Variants in DST observed in about 807,000 individuals in gnomAD.
DST encodes the protein dystonin.
In DST, 253 loss-of-function variants were observed where a neutral mutation model predicts 875.2. The ratio of observed to expected loss-of-function variants is 0.29; its 90% confidence interval spans 0.26 to 0.32. The LOEUF (loss-of-function observed/expected upper bound fraction) is 0.32, where lower values mean the gene tolerates loss of function less well. DST is among the 10% of genes least tolerant of loss of function. The probability of loss-of-function intolerance (pLI) is 1.00; values close to 1 mark genes in which losing one functional copy is unlikely to be tolerated. For missense variants in DST, 8,287 were observed against 9,111.6 expected (o/e 0.91, Z 3.68); for synonymous variants, 3,124 against 3,197.1 (o/e 0.98, Z 0.77).
rs766156013 is a variant in DST at position 56,954,608 on chromosome 6, G to C, written c.-21C>G. ...ATCATGGTGCGGGCGAGGCGAGGGC[G>C]ACTCGACGGCGGGGCTGGAGGGCGG... is the stretch of plus-strand genomic sequence containing the variant. On this transcript the variant is annotated 5_prime_UTR_variant, in exon 1 of 104. Transcript: ENST00000680361. 1 of 1,323,846 alleles carries C rather than the reference G, an allele frequency of 7.6e-7. No individual in the cohort carries two copies. Among genetic ancestry groups the C allele is most frequent in the East Asian group, 5.4e-5 (1 of 18,638 alleles). 82.0% of individuals were successfully genotyped at this position (1,323,846 alleles called of 1,614,324 possible). A position where few individuals can be genotyped will look rare whatever the true frequency, so the allele number is the denominator to read the frequency against.
At chr6:56,821,977 G>GAGA (rs68030929) in intron 4 of DST, among the ~76,000 whole-genome samples, 1 of 109,392 alleles carries the variant, frequency 9.1e-6, no homozygotes, top group Admixed American at 8.2e-5. Flanking sequence ...CTTTATCCAC[G>GAGA]TTTATTAAGA....
chr6:56,492,885 AAG>A, intron 84 of DST, 47 bp downstream of exon 84: 1 of 1,409,370 alleles, frequency 7.1e-7, no homozygotes, highest in Non-Finnish European at 9.3e-7. Flanking sequence ...AAAAAAAAAA[AAG>A]CCTGGTGTCT....
chr6:56,823,173 A>G (rs1355403606), intron 4 of DST, among the ~76,000 whole-genome samples: 1 of 152,112 alleles, frequency 6.6e-6, no homozygotes, highest in African/African-American at 2.4e-5. Context: ...CTATTCTCTG[A>G]GTTCCCAACA....
chr6:56,867,266 G>A (rs1243163655), intron 3 of DST, among the ~76,000 whole-genome samples: 1 of 152,136 alleles, frequency 6.6e-6, no homozygotes, highest in Non-Finnish European at 1.5e-5. Context: ...ACCTCTTAGG[G>A]TTGCTATATT....
Position 56,847,922 on chromosome 6 carries a change from G to A in DST, c.625+3475C>T, listed in dbSNP as rs116203977. Reference sequence around the variant, plus strand: ...ACATGATATTTTATATATTAATGAGGGCACCATACTGCAAGTATTTTTTAC... The same window carrying A: ...ACATGATATTTTATATATTAATGAGAGCACCATACTGCAAGTATTTTTTAC... On this transcript the variant is annotated intron_variant, in intron 4 of 103. Transcript: ENST00000680361. Among the ~76,000 whole-genome samples the A allele has an allele frequency of 6.2e-3, 949 of 151,934 alleles. 2 individuals are homozygous for A. The highest frequency in any genetic ancestry group is 0.014 in the Middle Eastern group (4 of 294).
intron 4 of DST, among the ~76,000 whole-genome samples, chr6:56,766,561 C>T (rs912231668): frequency 6.7e-6 from 1 of 149,822 alleles, no homozygotes; most frequent in Non-Finnish European, 1.5e-5. Flanking sequence ...GACTCAGTCT[C>T]GCTCTGCCAC....
At chr6:56,593,604 A>G (rs1007909481) in intron 48 of DST, 59 bp downstream of exon 48, 3 of 1,380,640 alleles carry the variant, frequency 2.2e-6, no homozygotes, top group Non-Finnish European at 1.9e-6. Flanking sequence ...TTCCAAAACT[A>G]TAATTGAAAA....
At chr6:56,948,178 A>T (rs1263804088) in intron 2 of DST, among the ~76,000 whole-genome samples, 4 of 152,210 alleles carry the variant, frequency 2.6e-5, no homozygotes, top group Non-Finnish European at 5.9e-5. Flanking sequence ...CACAGATAGA[A>T]GATTCATTCT....
chr6:56,638,235 T>G (rs1484542258), intron 22 of DST, among the ~76,000 whole-genome samples: 3 of 152,134 alleles, frequency 2.0e-5, no homozygotes. Context: ...AGAAATACTC[T>G]TTTTAGTGTA....
At chr6:56,937,489 T>C (rs1813625260) in intron 2 of DST, among the ~76,000 whole-genome samples, 1 of 152,130 alleles carries the variant, frequency 6.6e-6, no homozygotes, top group Admixed American at 6.6e-5. Context: ...AGAATAGCTA[T>C]AGTAAAAAAG....
intron 91 of DST, among the ~76,000 whole-genome samples, chr6:56,476,708 G>A (rs935961480): frequency 3.9e-5 from 6 of 152,202 alleles, no homozygotes; most frequent in African/African-American, 1.2e-4. Flanking sequence ...TGTAATCCCA[G>A]CACTTTGGGA....
intron 67 of DST, among the ~76,000 whole-genome samples, chr6:56,528,462 C>G (rs565944827): frequency 6.6e-6 from 1 of 152,106 alleles, no homozygotes; most frequent in East Asian, 1.9e-4. Flanking sequence ...TAGCTATGCA[C>G]GTAGCCATAC....
At chr6:56,677,977 C>T (rs1202123370) in intron 9 of DST, among the ~76,000 whole-genome samples, 1 of 152,222 alleles carries the variant, frequency 6.6e-6, no homozygotes, top group Non-Finnish European at 1.5e-5. Context: ...TCAGCCAAGT[C>T]CCAGACTCCA....
At chr6:56,851,851 A>AT (rs1765438946) in intron 3 of DST, 1 of 1,551,656 alleles carries the variant, frequency 6.4e-7, no homozygotes. Context: ...ATACATGAAG[A>AT]TTTGCACGGA....
intron 48 of DST, among the ~76,000 whole-genome samples, chr6:56,593,252 A>AT (rs1427915439): frequency 6.6e-6 from 1 of 152,196 alleles, no homozygotes; most frequent in African/African-American, 2.4e-5. Flanking sequence ...ACTGTGGCTC[A>AT]TGCCTGCAAT....
chr6:56,923,463 CAAAAAA>C (rs57118743), intron 2 of DST, among the ~76,000 whole-genome samples: 3 of 48,714 alleles, frequency 6.2e-5, no homozygotes, highest in Non-Finnish European at 1.2e-4. Flanking sequence ...GGCTCACTGG[CAAAAAA>C]AAAAAAAAAA....
chr6:56,647,078 A>G (rs1239767443), intron 13 of DST, among the ~76,000 whole-genome samples: 1 of 152,210 alleles, frequency 6.6e-6, no homozygotes, highest in Non-Finnish European at 1.5e-5. Context: ...ATAACTAAGA[A>G]TCTACACTAA....
rs950511409 is a variant in DST, at chr6:56,462,940, A to T, written c.23070+106T>A. The T allele has an allele frequency of 1.0e-5, 6 of 596,662 alleles. No individual in the cohort carries two copies. The African/African-American group carries it at 1.1e-4, about 11-fold the overall frequency. 37.0% of individuals were successfully genotyped at this position (596,662 alleles called of 1,614,324 possible). ...CTTATAGAAGTGTATAAAAAGACAT[A>T]GGGTTAGCAAAGTACATATATTTAG... On this transcript the variant is annotated intron_variant, in intron 102 of 103. Coordinates refer to ENST00000680361, the MANE Select transcript of DST (RefSeq NM_001374736.1).
intron 2 of DST, among the ~76,000 whole-genome samples, chr6:56,916,823 C>G (rs191146425): frequency 0.049 from 6,910 of 139,770 alleles, 266 homozygotes; most frequent in East Asian, 0.11. Context: ...CACACACACA[C>G]AGAGAGACAG....
Sources: allele counts gnomAD v4.1 joint callset (sites outside exome capture counted in the v4.1 genomes callset), GRCh38; gene constraint gnomAD v4.1.1; transcripts MANE v1.5; gene names NCBI Gene and HGNC (gene_info 2026-07-23, HGNC 2026-07-21).